Variants in ZNF454 observed in about 807,000 individuals in gnomAD.
The protein encoded by ZNF454 is zinc finger protein 454.
Under a neutral mutation model 48.2 loss-of-function variants are expected in ZNF454, and 30 were observed. The observed-to-expected ratio is 0.62, with a 90% confidence interval of 0.47 to 0.84. The LOEUF (loss-of-function observed/expected upper bound fraction) is 0.84, where lower values mean the gene tolerates loss of function less well. Among genes scored for constraint, ZNF454 ranks in the 40% least tolerant of loss-of-function variants. ZNF454 has a pLI of 0.00. For missense variants in ZNF454, 510 were observed against 623.1 expected (o/e 0.82, Z 1.93); for synonymous variants, 204 against 211.4 (o/e 0.97, Z 0.30).
intron 4 of ZNF454, among the ~76,000 whole-genome samples, chr5:178,952,182 C>T (rs1759585263): frequency 6.6e-6 from 1 of 151,852 alleles, no homozygotes; most frequent in Non-Finnish European, 1.5e-5. Flanking sequence ...GGACTACAGG[C>T]GCCCGCCACT....
At chr5:178,985,517 C>G in the ZNF454 span, 1 of 339,226 alleles carries the variant, frequency 2.9e-6, no homozygotes, top group South Asian at 2.3e-5. Flanking sequence ...TCCTGGCTAA[C>G]ACGGTGAAGC....
chr5:178,985,895 A>G, the ZNF454 span: 38 of 568,772 alleles, frequency 6.7e-5, no homozygotes, highest in East Asian at 1.2e-4. Flanking sequence ...CCAAGTAGCT[A>G]GGACTACAGG....
chr5:178,968,760 G>C (rs532371496), downstream of ZNF454: 69 of 456,726 alleles, frequency 1.5e-4, no homozygotes, highest in African/African-American at 1.3e-3. Context: ...TTTCTAAGCT[G>C]AGTTGGTTGG....
At chr5:178,960,459 G>C (rs2113263697) in intron 4 of ZNF454, among the ~76,000 whole-genome samples, 1 of 151,378 alleles carries the variant, frequency 6.6e-6, no homozygotes, top group African/African-American at 2.4e-5. Flanking sequence ...GTTTCTCCTT[G>C]GTCAGGCTGG....
chr5:178,988,424 C>T, the ZNF454 span, among the ~76,000 whole-genome samples: 4 of 151,946 alleles, frequency 2.6e-5, no homozygotes, highest in East Asian at 3.9e-4. The surrounding 1 kb of genome is among the most constrained non-coding windows in gnomAD (Gnocchi z 6.0). Flanking sequence ...CTCCACAAAC[C>T]GTGGACAGAG....
At chr5:178,985,880 G>A in the ZNF454 span, 3 of 561,558 alleles carry the variant, frequency 5.3e-6, no homozygotes, top group Non-Finnish European at 9.7e-6. Context: ...TCCTATTTCA[G>A]CCTCCCAAGT....
chr5:178,959,932 C>CTTTCT (rs550320065), intron 4 of ZNF454, among the ~76,000 whole-genome samples: 5 of 147,352 alleles, frequency 3.4e-5, no homozygotes, highest in East Asian at 2.2e-4. Flanking sequence ...TTCTTTTTTT[C>CTTTCT]TTTCTTTTCT....
downstream of ZNF454, chr5:178,969,067 C>G (rs373662272): frequency 3.6e-5 from 13 of 361,982 alleles, no homozygotes; most frequent in African/African-American, 2.8e-4. Context: ...CTATTAGATA[C>G]GCCCAGGCTG....
At chr5:178,975,549 A>G in the ZNF454 span, 134 of 240,848 alleles carry the variant, frequency 5.6e-4, 3 homozygotes, top group Middle Eastern at 0.023. Context: ...TTCTCAACAC[A>G]GTAGCCAGAG....
At chr5:178,986,775 C>G in the ZNF454 span, 10 of 1,610,576 alleles carry the variant, frequency 6.2e-6, no homozygotes, top group South Asian at 7.7e-5. Flanking sequence ...AAAACACAGG[C>G]TGGGGCGTCT....
chr5:178,964,900 G>A lies in ZNF454; in HGVS notation c.496G>A (p.Asp166Asn). The stretch of plus-strand genomic sequence containing the variant: ...CACTATGAGCTCATCTCTTCACAGT[G>A]ATCAAAGTCAGGGATTTCAACCTAG... ...GSTMSSSLHSDQSQGFQPSKN... is the reference protein window; with the variant it reads ...GSTMSSSLHSNQSQGFQPSKN... The change falls in exon 5 of 5, where the codon GAT (aspartate) becomes AAT (asparagine). Residue 166 changes from aspartate (D) to asparagine (N), a missense_variant. Coordinates refer to ENST00000519564, the MANE Select transcript of ZNF454 (RefSeq NM_001178089.3). 2 of 1,614,196 alleles carry A rather than the reference G, an allele frequency of 1.2e-6. No homozygotes were observed. The highest frequency in any genetic ancestry group is 1.7e-6 in the Non-Finnish European group (2 of 1,180,048).
At chr5:178,983,331 AG>A in the ZNF454 span, 1 of 935,204 alleles carries the variant, frequency 1.1e-6, no homozygotes, top group Non-Finnish European at 1.7e-6. Flanking sequence ...TGGCCTATGG[AG>A]GGGATGCTCC....
the ZNF454 span, among the ~76,000 whole-genome samples, chr5:178,976,649 G>A: frequency 1.3e-5 from 2 of 152,212 alleles, no homozygotes; most frequent in Non-Finnish European, 2.9e-5. Context: ...GGCTTTTAGT[G>A]ACTGTGGGAG....
the ZNF454 span, among the ~76,000 whole-genome samples, chr5:178,973,859 A>AAAG: frequency 0.023 from 3,452 of 147,742 alleles, 73 homozygotes; most frequent in South Asian, 0.065. Flanking sequence ...AAAAAAAAAA[A>AAAG]AGGTCGACTG....
chr5:178,974,015 G>C, the ZNF454 span, among the ~76,000 whole-genome samples: 1 of 152,142 alleles, frequency 6.6e-6, no homozygotes, highest in African/African-American at 2.4e-5. Flanking sequence ...GTTGGGCTGG[G>C]ATGGTGCGGT....
rs763198468 is a variant in ZNF454 at position 178,965,484 on chromosome 5, A to G, written c.1080A>G (p.Glu360=). Residue 360 remains glutamate (E), a synonymous_variant, in exon 5 of 5, where the codon GAA becomes GAG. Coordinates refer to ENST00000519564, the MANE Select transcript of ZNF454 (RefSeq NM_001178089.3). The surrounding 1 kb of genome is among the most constrained non-coding windows in gnomAD (Gnocchi z 5.2). ...HTGEKPFECN[E]CGKAFRVNSS... ...GAGAGAAACCCTTTGAATGTAATGAATGTGGGAAGGCCTTCAGGGTGAACT... is the reference window on the plus strand; with the variant it reads ...GAGAGAAACCCTTTGAATGTAATGAGTGTGGGAAGGCCTTCAGGGTGAACT... 6.8e-6 allele frequency: 11 copies of G among 1,614,104 alleles called. No homozygotes were observed. The highest frequency in any genetic ancestry group is 9.3e-6 in the Non-Finnish European group (11 of 1,180,010).
At chr5:178,973,156 A>G in the ZNF454 span, among the ~76,000 whole-genome samples, 2 of 94,638 alleles carry the variant, frequency 2.1e-5, no homozygotes, top group African/African-American at 8.5e-5. Context: ...TCTCCCCCAC[A>G]CCTCCCCTTC....
chr5:178,981,561 G>A, the ZNF454 span: 1 of 963,292 alleles, frequency 1.0e-6, no homozygotes, highest in Non-Finnish European at 1.6e-6. This position sits in a 1 kb window ranked among gnomAD's most constrained non-coding sequence, Gnocchi z 5.1. Context: ...CCCTGCCACT[G>A]ACTGTTCACC....
At chr5:178,985,668 A>G in the ZNF454 span, 5,598 of 397,142 alleles carry the variant, frequency 0.014, 132 homozygotes, top group African/African-American at 0.067. Flanking sequence ...GTGCCACTGC[A>G]CTCCAGCCTG....
Sources: allele counts gnomAD v4.1 joint callset (sites outside exome capture counted in the v4.1 genomes callset), GRCh38; gene constraint gnomAD v4.1.1; non-coding constraint Gnocchi (gnomAD v3.1); transcripts MANE v1.5; gene names NCBI Gene and HGNC (gene_info 2026-07-23, HGNC 2026-07-21).